Variants in FAM186A observed in about 807,000 individuals in gnomAD.
The protein encoded by FAM186A is protein FAM186A.
In FAM186A, 163 loss-of-function variants were observed where a neutral mutation model predicts 216.8. That is an observed-to-expected ratio of 0.75 (90% CI 0.66 to 0.86). FAM186A has a LOEUF of 0.86. FAM186A is among the 40% of genes least tolerant of loss of function. FAM186A has a pLI of 0.00. For synonymous variants in FAM186A, 805 were observed against 1,025.3 expected (o/e 0.79, Z 4.10); for missense variants, 2,184 against 2,746.2 (o/e 0.80, Z 4.58).
At chr12:50,350,098 C>T (rs1268959336) in intron 4 of FAM186A, among the ~76,000 whole-genome samples, 1 of 152,158 alleles carries the variant, frequency 6.6e-6, no homozygotes, top group Admixed American at 6.6e-5. Context: ...CTTGGCATCT[C>T]CGCTGGAGAT....
chr12:50,375,101 C>A (rs1244729732), intron 1 of FAM186A, among the ~76,000 whole-genome samples: 1 of 152,140 alleles, frequency 6.6e-6, no homozygotes, highest in Non-Finnish European at 1.5e-5. Context: ...TCGCTTGAAC[C>A]CAGGAGGCAG....
At chr12:50,336,811 G>C (rs1488882977) in intron 4 of FAM186A, among the ~76,000 whole-genome samples, 1 of 151,444 alleles carries the variant, frequency 6.6e-6, no homozygotes, top group Non-Finnish European at 1.5e-5. Flanking sequence ...TAAGGAGTTT[G>C]GATCTTCTCT....
chr12:50,359,863 G>GT (rs1451225766), intron 3 of FAM186A, among the ~76,000 whole-genome samples: 2 of 152,228 alleles, frequency 1.3e-5, no homozygotes, highest in African/African-American at 2.4e-5. Context: ...GAATACATTA[G>GT]TGACTGTGTG....
intron 1 of FAM186A, among the ~76,000 whole-genome samples, chr12:50,372,954 A>AGGAG (rs1377328223): frequency 3.9e-5 from 5 of 128,162 alleles, no homozygotes; most frequent in African/African-American, 1.1e-4. Context: ...GGAAGGAGGA[A>AGGAG]GGAGGGAGGG....
chr12:50,351,823 G>A lies in FAM186A; in HGVS notation c.5009C>T (p.Ala1670Val). ...TTCTAAGTTCATAGGGGACTCCAAAGCGTGGGTTTGCTCAGAGGTAAGAGT... is the reference window on the plus strand; with the variant it reads ...TTCTAAGTTCATAGGGGACTCCAAAACGTGGGTTTGCTCAGAGGTAAGAGT... ...AVTLTSEQTH[A>V]LESPMNLEQA... The change falls in exon 4 of 8, where the codon GCT becomes GTT. Residue 1670 changes from alanine (A) to valine (V), a missense_variant. Physicochemically the swap from Ala to Val is moderately conservative, Grantham distance 64. Transcript: ENST00000327337. 1 of 1,545,458 alleles carries A rather than the reference G, an allele frequency of 6.5e-7. No individual in the cohort carries two copies. The highest frequency in any genetic ancestry group is 8.7e-7 in the Non-Finnish European group (1 of 1,143,766).
At chr12:50,342,798 G>A (rs1007824348) in intron 4 of FAM186A, among the ~76,000 whole-genome samples, 2 of 148,756 alleles carry the variant, frequency 1.3e-5, no homozygotes, top group South Asian at 2.1e-4. Flanking sequence ...ACAATGTCTC[G>A]CTCTGTCACC....
rs141752539 is a variant in FAM186A, at chr12:50,351,523, C to T, written c.5309G>A (p.Gly1770Asp). Residue 1770 changes from glycine to aspartate, a missense_variant, in exon 4 of 8, where the codon GGC becomes GAC. Transcript: ENST00000327337. ...LQISRVPLNQ[G>D]PFAPGKPLEM... ...TAGGGGCTTCCCAGGGGCAAAGGGG[C>T]CTTGGTTGAGGGGAACCCTTGATAT... 9 of 1,516,380 alleles carry T rather than the reference C, an allele frequency of 5.9e-6. 1 individual carries two copies. The Admixed American group carries it at 2.0e-4, about 34-fold the overall frequency. 93.9% of individuals were successfully genotyped at this position (1,516,380 alleles called of 1,614,324 possible).
chr12:50,362,129 C>T (rs1943041730), intron 2 of FAM186A, among the ~76,000 whole-genome samples: 1 of 151,984 alleles, frequency 6.6e-6, no homozygotes, highest in African/African-American at 2.4e-5. Flanking sequence ...TATGCCGCCA[C>T]ACCCAGCTAA....
intron 1 of FAM186A, chr12:50,365,589 G>A (rs1943079551): frequency 2.0e-6 from 1 of 506,234 alleles, no homozygotes; most frequent in Non-Finnish European, 3.5e-6. Flanking sequence ...CGTATAATAA[G>A]AGTAAGATAA....
At chr12:50,364,766 G>T (rs1293310073) in intron 1 of FAM186A, among the ~76,000 whole-genome samples, 1 of 151,470 alleles carries the variant, frequency 6.6e-6, no homozygotes, top group Non-Finnish European at 1.5e-5. Flanking sequence ...GGCCAGGCAT[G>T]GTGGCTCATG....
intron 1 of FAM186A, among the ~76,000 whole-genome samples, chr12:50,366,582 A>G (rs1272684409): frequency 1.3e-5 from 2 of 150,700 alleles, no homozygotes; most frequent in African/African-American, 4.9e-5. Flanking sequence ...ATGATTAAAT[A>G]TATGTAAATC....
At chr12:50,374,787 G>A (rs961737569) in intron 1 of FAM186A, among the ~76,000 whole-genome samples, 1 of 151,988 alleles carries the variant, frequency 6.6e-6, no homozygotes, top group East Asian at 1.9e-4. Flanking sequence ...ATTCAATAAG[G>A]TCAAAAAAAG....
Position 50,355,257 on chromosome 12 carries a change from G to C in FAM186A, c.1575C>G (p.Leu525=). The part of the protein sequence containing the change: ...KSPTEAKRKH[L]SLTETKSQGG... Reference sequence around the variant, plus strand: ...CTTGGCTCTTTGTTTCAGTTAAAGAGAGATGTTTTCTTTTTGCTTCAGTGG... The same window carrying C: ...CTTGGCTCTTTGTTTCAGTTAAAGACAGATGTTTTCTTTTTGCTTCAGTGG... Residue 525 remains leucine, a synonymous_variant, in exon 4 of 8, where the codon CTC becomes CTG. Transcript: ENST00000327337. 6.4e-7 allele frequency: 1 copy of C among 1,551,680 alleles called. No individual in the cohort carries two copies. Among genetic ancestry groups the C allele is most frequent in the South Asian group, 1.2e-5 (1 of 84,052 alleles).
chr12:50,392,228 G>T (rs1943363372), intron 1 of FAM186A, among the ~76,000 whole-genome samples: 1 of 152,082 alleles, frequency 6.6e-6, no homozygotes, highest in Non-Finnish European at 1.5e-5. Context: ...AAATCATTAT[G>T]TCGATGTGGT....
intron 1 of FAM186A, among the ~76,000 whole-genome samples, chr12:50,374,656 C>T (rs1943180500): frequency 1.3e-5 from 2 of 152,086 alleles, no homozygotes; most frequent in African/African-American, 4.8e-5. Flanking sequence ...TTTCCTCAAC[C>T]TGATAAAGAG....
At position 50,346,356 on chromosome 12, in the gene FAM186A, C is replaced by T. The variant is rs370160590; in HGVS notation, c.6503+3973G>A. Among the ~76,000 whole-genome samples the T allele has an allele frequency of 4.0e-3, 611 of 151,994 alleles. 5 individuals are homozygous for T. The highest frequency in any genetic ancestry group is 0.014 in the African/African-American group (568 of 41,460). On this transcript the variant is annotated intron_variant, in intron 4 of 7. Coordinates refer to ENST00000327337, the MANE Select transcript of FAM186A (RefSeq NM_001145475.3). ...AAGCAATTCTCCTGCCTCAGCCACCCGAGTATCTGGGATTACAGGCACACA... is the reference window on the plus strand; with the variant it reads ...AAGCAATTCTCCTGCCTCAGCCACCTGAGTATCTGGGATTACAGGCACACA...
chr12:50,383,350 A>G (rs1470112762), intron 1 of FAM186A, among the ~76,000 whole-genome samples: 3 of 145,574 alleles, frequency 2.1e-5, no homozygotes, highest in Non-Finnish European at 3.0e-5. Context: ...TAATCCCAGC[A>G]CTTTGGGAGG....
At position 50,355,315 on chromosome 12, in the gene FAM186A, A is replaced by ATTTCT. The variant is rs766155800; in HGVS notation, c.1512_1516dup (p.Met506LysfsTer3). 6.7e-5 allele frequency: 104 copies of ATTTCT among 1,550,170 alleles called. No individual in the cohort carries two copies. In the African/African-American group the frequency reaches 6.9e-4, roughly 10 times the overall value. ...TGATTTATCTTCAGAAAAGGATTTC[A>ATTTCT]TTTCTTTTCTTTTCTTTTTCAGTAC... is the stretch of plus-strand genomic sequence containing the variant. On this transcript the variant is annotated frameshift_variant, in exon 4 of 8. Coordinates refer to ENST00000327337, the MANE Select transcript of FAM186A (RefSeq NM_001145475.3). LOFTEE classifies it high-confidence loss of function.
rs1565887126 is a variant in FAM186A, at chr12:50,355,287, CTTTGA to C, written c.1540_1544del (p.Ser514ValfsTer4). The C allele has an allele frequency of 4.5e-6, 7 of 1,551,102 alleles. No individual in the cohort carries two copies. The highest frequency in any genetic ancestry group is 3.3e-4 in the Middle Eastern group (2 of 5,990). On this transcript the variant is annotated frameshift_variant, in exon 4 of 8. Transcript: ENST00000327337. LOFTEE classifies it high-confidence loss of function. Reference sequence around the variant, plus strand: ...GTTTTCTTTTTGCTTCAGTGGGTGACTTTGATTTATCTTCAGAAAAGGATTTCATT... The same window carrying C: ...GTTTTCTTTTTGCTTCAGTGGGTGACTTTATCTTCAGAAAAGGATTTCATT...
Sources: gnomAD v4.1 joint callset for allele counts (sites outside exome capture counted in the v4.1 genomes callset) on GRCh38, gnomAD v4.1.1 for gene constraint, MANE v1.5 for transcripts, NCBI Gene and HGNC (gene_info 2026-07-23, HGNC 2026-07-21) for gene names.